Variants in AKT3 observed in about 807,000 individuals in gnomAD.
AKT3 encodes AKT serine/threonine kinase 3.
Under a neutral mutation model 65.3 loss-of-function variants are expected in AKT3, and 15 were observed. The ratio of observed to expected loss-of-function variants is 0.23; its 90% CI spans 0.15 to 0.35. AKT3 has a LOEUF of 0.35. Ranked by LOEUF, AKT3 falls within the 10% of genes least tolerant of loss-of-function variation. The pLI is 1.00. For missense variants in AKT3, 243 were observed against 576.5 expected, an observed-to-expected ratio of 0.42 and a Z score of 5.92; for synonymous variants, 206 against 183.8, an observed-to-expected ratio of 1.12 and a Z score of -0.98.
chr1:243,650,346 T>C (rs1352521502), intron 4 of AKT3, among the ~76,000 whole-genome samples: 2 of 152,258 alleles, frequency 1.3e-5, no homozygotes, highest in African/African-American at 4.8e-5. Flanking sequence ...TTTTCTCCCA[T>C]TCTGTAGGCT....
intron 3 of AKT3, among the ~76,000 whole-genome samples, chr1:243,672,782 C>A (rs914843464): frequency 3.9e-5 from 6 of 152,188 alleles, no homozygotes; most frequent in Non-Finnish European, 8.8e-5. Flanking sequence ...AGCACACTTA[C>A]AGAGCCAATA....
intron 2 of AKT3, among the ~76,000 whole-genome samples, chr1:243,785,927 A>G (rs1691234927): frequency 6.6e-6 from 1 of 152,374 alleles, no homozygotes; most frequent in East Asian, 1.9e-4. Context: ...AAGAAGACAA[A>G]GTGGAAAAGT....
intron 2 of AKT3, among the ~76,000 whole-genome samples, chr1:243,749,868 C>A (rs1300848463): frequency 6.6e-6 from 1 of 152,216 alleles, no homozygotes; most frequent in Non-Finnish European, 1.5e-5. Flanking sequence ...CTGATCTCCA[C>A]AAAGTCACCA....
chr1:243,808,834 C>T (rs1358697406), intron 2 of AKT3, among the ~76,000 whole-genome samples: 5 of 152,280 alleles, frequency 3.3e-5, no homozygotes, highest in African/African-American at 7.2e-5. Context: ...GCTGATCTCT[C>T]GGCAGAAACT....
chr1:243,749,019 C>A (rs1464879210), intron 2 of AKT3, among the ~76,000 whole-genome samples: 1 of 152,128 alleles, frequency 6.6e-6, no homozygotes, highest in Non-Finnish European at 1.5e-5. Context: ...ATTATAATTT[C>A]CTCAGTTCTA....
intron 2 of AKT3, among the ~76,000 whole-genome samples, chr1:243,788,380 T>C (rs1247943300): frequency 1.3e-5 from 2 of 152,244 alleles, no homozygotes; most frequent in Non-Finnish European, 2.9e-5. Context: ...ATACATTTCA[T>C]AGAATTTCCA....
At chr1:243,840,611 C>G (rs1695183092) in intron 2 of AKT3, among the ~76,000 whole-genome samples, 1 of 151,944 alleles carries the variant, frequency 6.6e-6, no homozygotes, top group South Asian at 2.1e-4. Context: ...TCAGAATCAG[C>G]AAGTATAACT....
intron 2 of AKT3, among the ~76,000 whole-genome samples, chr1:243,733,311 CATAAG>C (rs1687665095): frequency 6.6e-6 from 1 of 152,122 alleles, no homozygotes; most frequent in Non-Finnish European, 1.5e-5. Context: ...AGTTTTGACT[CATAAG>C]AGACCTCAAT....
At chr1:243,800,452 G>T (rs534919860) in intron 2 of AKT3, among the ~76,000 whole-genome samples, 31 of 152,346 alleles carry the variant, frequency 2.0e-4, no homozygotes, top group Non-Finnish European at 3.7e-4. Context: ...AGGTGCAGTG[G>T]CTCACGCCTG....
chr1:243,601,230 T>C (rs1676977068), intron 8 of AKT3, among the ~76,000 whole-genome samples: 1 of 152,096 alleles, frequency 6.6e-6, no homozygotes, highest in East Asian at 1.9e-4. Flanking sequence ...ATGAAATAAA[T>C]AAATCTGACA....
rs764079943 is a variant in AKT3, at chr1:243,785,063, A to ATTT, written c.46+58059_46+58061dup. Among the ~76,000 whole-genome samples the ATTT allele has an allele frequency of 4.2e-3, 561 of 134,860 alleles. 9 individuals carry two copies. Among genetic ancestry groups the ATTT allele is most frequent in the African/African-American group, 0.014 (524 of 36,316 alleles). 88.5% of individuals were successfully genotyped at this position (134,860 alleles called of 152,430 possible). A position where few individuals can be genotyped will look rare whatever the true frequency, so the allele number is the denominator to read the frequency against. ...CAGGTACAAGCCACTGTCCAACTCAATTTTTTTTTTTTTTTTTTTGAGATG... is the reference window on the plus strand; with the variant it reads ...CAGGTACAAGCCACTGTCCAACTCAATTTTTTTTTTTTTTTTTTTTTTGAGATG... On this transcript the variant is annotated intron_variant, in intron 2 of 13. Transcript: ENST00000673466.
rs577213775 is a variant in AKT3, at chr1:243,843,483, G to C, written c.-112-201C>G. 9 of 1,078,230 alleles carry C rather than the reference G, an allele frequency of 8.3e-6. No individual in the cohort carries two copies. In the African/African-American group the frequency reaches 1.5e-4, roughly 18 times the overall value. The allele number at this position is 1,078,230 out of a possible 1,614,324, so 66.8% of individuals were successfully genotyped here. On this transcript the variant is annotated intron_variant, in intron 1 of 13. Coordinates refer to ENST00000673466, the MANE Select transcript of AKT3 (RefSeq NM_005465.7). ...GTCTTGTGACCAATTTCAAATGATAGTGAAACTTTTAACCTAAGAGGTTGC... is the reference window on the plus strand; with the variant it reads ...GTCTTGTGACCAATTTCAAATGATACTGAAACTTTTAACCTAAGAGGTTGC...
chr1:243,680,242 C>A (rs1022693496), intron 3 of AKT3, among the ~76,000 whole-genome samples: 2 of 152,046 alleles, frequency 1.3e-5, no homozygotes, highest in Non-Finnish European at 2.9e-5. Flanking sequence ...GACACTGAGA[C>A]TTCATAGTTG....
In AKT3 at chr1:243,501,309, ATGT is replaced by A. The variant is rs1253177223; in HGVS notation, c.*3937_*3939del. ...TCTAAGTTTGTTAATTTGCCATGAC[ATGT>A]TGTTAGAAATACACTCTAAGAAAGG... On this transcript the variant is annotated 3_prime_UTR_variant, in exon 14 of 14. Transcript: ENST00000673466. 3 of 233,128 alleles carry A rather than the reference ATGT, an allele frequency of 1.3e-5. No homozygotes were observed. The highest frequency in any genetic ancestry group is 2.5e-5 in the Non-Finnish European group (3 of 118,020). 14.4% of individuals were successfully genotyped at this position (233,128 alleles called of 1,614,324 possible). A position where few individuals can be genotyped will look rare whatever the true frequency, so the allele number is the denominator to read the frequency against.
intron 8 of AKT3, among the ~76,000 whole-genome samples, chr1:243,596,643 G>C (rs1676636619): frequency 1.3e-5 from 2 of 152,148 alleles, no homozygotes; most frequent in African/African-American, 2.4e-5. Context: ...TGCTGAGACT[G>C]TAAAATGACA....
At chr1:243,583,155 C>CAT (rs1675504553) in intron 8 of AKT3, among the ~76,000 whole-genome samples, 1 of 89,956 alleles carries the variant, frequency 1.1e-5, no homozygotes, top group Non-Finnish European at 2.2e-5. Flanking sequence ...CTCTCTCTTC[C>CAT]ATGTATATGT....
chr1:243,524,595 C>G (rs1670927613), intron 12 of AKT3, among the ~76,000 whole-genome samples: 1 of 152,246 alleles, frequency 6.6e-6, no homozygotes, highest in African/African-American at 2.4e-5. Flanking sequence ...TAAATAAGCT[C>G]TCTCACACAA....
At chr1:243,637,511 T>G in intron 6 of AKT3, 100 bp downstream of exon 6, 1 of 1,037,614 alleles carries the variant, frequency 9.6e-7, no homozygotes, top group South Asian at 2.3e-5. Context: ...TTTTGGTTGT[T>G]TAATGGAATT....
intron 13 of AKT3, among the ~76,000 whole-genome samples, chr1:243,505,585 AC>A: frequency 6.6e-6 from 1 of 152,232 alleles, no homozygotes; most frequent in Non-Finnish European, 1.5e-5. Context: ...ACTCAATGAA[AC>A]AGTGAAAAAA....
Sources: allele counts gnomAD v4.1 joint callset (sites outside exome capture counted in the v4.1 genomes callset), GRCh38; gene constraint gnomAD v4.1.1; transcripts MANE v1.5; gene names NCBI Gene and HGNC (gene_info 2026-07-23, HGNC 2026-07-21).